The following RBFOX1 variants were observed in gnomAD, a reference collection of about 807,000 sequenced individuals.
The protein encoded by RBFOX1 is RNA binding fox-1 homolog 1, also known as RNA binding protein fox-1 homolog 1.
In RBFOX1, 8 loss-of-function variants were observed where a neutral mutation model predicts 57.7. The ratio of observed to expected loss-of-function variants is 0.14; its 90% CI spans 0.08 to 0.25. RBFOX1 has a LOEUF of 0.25. RBFOX1 is among the 10% of genes least tolerant of loss of function. RBFOX1 has a pLI of 1.00. For missense variants in RBFOX1, 611 were observed against 548.5 expected, an observed-to-expected ratio of 1.11 and a Z score of -1.14; for synonymous variants, 326 against 222.4, an observed-to-expected ratio of 1.47 and a Z score of -4.15.
At chr16:6,756,164 A>G (rs901148789) in intron 3 of RBFOX1, among the ~76,000 whole-genome samples, 1 of 152,178 alleles carries the variant, frequency 6.6e-6, no homozygotes, top group African/African-American at 2.4e-5. Flanking sequence ...TAAAAAATAT[A>G]TACTGTAGTA....
At chr16:6,498,785 T>C (rs2095842582) in intron 2 of RBFOX1, among the ~76,000 whole-genome samples, 2 of 152,192 alleles carry the variant, frequency 1.3e-5, no homozygotes, top group Non-Finnish European at 2.9e-5. Context: ...AGAGTCCTAT[T>C]GAGGAAAGAT....
At chr16:5,724,813 C>T (rs1018298166) in intron 3 of RBFOX1, among the ~76,000 whole-genome samples, 1 of 152,132 alleles carries the variant, frequency 6.6e-6, no homozygotes, top group African/African-American at 2.4e-5. Flanking sequence ...CTACACCAGC[C>T]CACTAACATA....
At chr16:7,197,998 C>CTTTCTTTCTTTCTTTTTTTTTTTT in intron 4 of RBFOX1, among the ~76,000 whole-genome samples, 1 of 55,592 alleles carries the variant, frequency 1.8e-5, no homozygotes, top group Non-Finnish European at 3.2e-5. Context: ...TTCTTTCTTT[C>CTTTCTTTCTTTCTTTTTTTTTTTT]TTTTTTTTTT....
At chr16:5,905,989 G>T (rs752769767) in intron 4 of RBFOX1, among the ~76,000 whole-genome samples, 2 of 152,218 alleles carry the variant, frequency 1.3e-5, no homozygotes, top group Non-Finnish European at 2.9e-5. Context: ...GTGGTTTTCA[G>T]GCTGAGTCCA....
intron 4 of RBFOX1, among the ~76,000 whole-genome samples, chr16:7,082,796 C>T (rs546243620): frequency 2.6e-5 from 4 of 152,106 alleles, no homozygotes; most frequent in Non-Finnish European, 4.4e-5. Context: ...GAGAGGCCAC[C>T]AGTAGCTTAA....
chr16:7,063,136 G>C (rs1349827472), intron 4 of RBFOX1, among the ~76,000 whole-genome samples: 1 of 151,814 alleles, frequency 6.6e-6, no homozygotes, highest in Non-Finnish European at 1.5e-5. Context: ...TAAGAGAAAG[G>C]AGCTCTTGGT....
intron 2 of RBFOX1, among the ~76,000 whole-genome samples, chr16:5,498,848 G>A (rs1450081321): frequency 6.6e-6 from 1 of 152,204 alleles, no homozygotes; most frequent in African/African-American, 2.4e-5. Flanking sequence ...ATGTCCCTGG[G>A]CTTGGCACCA....
intron 3 of RBFOX1, among the ~76,000 whole-genome samples, chr16:7,023,857 C>T (rs1054960512): frequency 5.9e-5 from 9 of 152,010 alleles, no homozygotes; most frequent in Non-Finnish European, 1.3e-4. Context: ...TTCATCATCC[C>T]TATATATATT....
chr16:6,317,979 CAT>C (rs1193345689), intron 2 of RBFOX1, among the ~76,000 whole-genome samples: 3 of 152,110 alleles, frequency 2.0e-5, no homozygotes, highest in Non-Finnish European at 4.4e-5. Context: ...AATATCAGCC[CAT>C]GTCATAAAGG....
intron 2 of RBFOX1, among the ~76,000 whole-genome samples, chr16:6,496,126 G>T (rs1220032660): frequency 6.6e-6 from 1 of 151,936 alleles, no homozygotes; most frequent in East Asian, 1.9e-4. Context: ...GTAGAAAACG[G>T]TCAGGGGAAT....
chr16:5,577,106 C>G (rs1239577643), intron 2 of RBFOX1, among the ~76,000 whole-genome samples: 1 of 152,212 alleles, frequency 6.6e-6, no homozygotes, highest in African/African-American at 2.4e-5. Flanking sequence ...CCAAGTTGGT[C>G]TCTCTCTCTT....
At chr16:6,521,731 T>G (rs1226704529) in intron 2 of RBFOX1, among the ~76,000 whole-genome samples, 5 of 152,056 alleles carry the variant, frequency 3.3e-5, no homozygotes, top group Non-Finnish European at 7.4e-5. Context: ...ATTGCAAAAT[T>G]TCTGGGACTT....
chr16:6,912,401 C>A (rs566114725), intron 3 of RBFOX1, among the ~76,000 whole-genome samples: 1 of 151,966 alleles, frequency 6.6e-6, no homozygotes, highest in Non-Finnish European at 1.5e-5. Context: ...TTGCGAACCA[C>A]GGGGCTACTG....
intron 3 of RBFOX1, among the ~76,000 whole-genome samples, chr16:7,007,387 A>G (rs1029029416): frequency 8.5e-5 from 13 of 152,188 alleles, no homozygotes; most frequent in African/African-American, 2.9e-4. Flanking sequence ...TGTGTTTTAA[A>G]GTGCTTTTGT....
At chr16:5,514,994 G>A (rs2043737961) in intron 2 of RBFOX1, among the ~76,000 whole-genome samples, 1 of 152,110 alleles carries the variant, frequency 6.6e-6, no homozygotes, top group African/African-American at 2.4e-5. Flanking sequence ...GAAGGTGAAG[G>A]GGAAGCAGGA....
intron 3 of RBFOX1, among the ~76,000 whole-genome samples, chr16:7,034,777 T>G (rs942645186): frequency 1.3e-5 from 2 of 149,826 alleles, no homozygotes; most frequent in Admixed American, 6.7e-5. Context: ...TCTCAGAAAA[T>G]GCAATTTCTA....
Position 7,621,113 on chromosome 16 carries a change from G to C in RBFOX1, c.677-9490G>C, listed in dbSNP as rs117389291. Among the ~76,000 whole-genome samples the C allele has an allele frequency of 8.9e-4, 136 of 152,270 alleles. 1 individual carries two copies. The East Asian group carries it at 0.02, about 23-fold the overall frequency. On this transcript the variant is annotated intron_variant, in intron 10 of 15. Coordinates refer to ENST00000550418, the MANE Select transcript of RBFOX1 (RefSeq NM_018723.4). ...GGGGATTCAGAGCATAGTAGAGTTT[G>C]AGAAGCAAGGCCCTAGTAGTCTTAT...
intron 4 of RBFOX1, among the ~76,000 whole-genome samples, chr16:7,099,268 T>C (rs2062235335): frequency 6.6e-6 from 1 of 152,176 alleles, no homozygotes; most frequent in South Asian, 2.1e-4. Flanking sequence ...GAGATCACTC[T>C]AGCTGCAGTG....
intron 3 of RBFOX1, among the ~76,000 whole-genome samples, chr16:6,825,683 CAAGG>C (rs2092028989): frequency 6.6e-6 from 1 of 152,070 alleles, no homozygotes; most frequent in African/African-American, 2.4e-5. Flanking sequence ...ATAGGTAACA[CAAGG>C]AAAGAACCTA....
Sources: allele counts gnomAD v4.1 joint callset (sites outside exome capture counted in the v4.1 genomes callset), GRCh38; gene constraint gnomAD v4.1.1; transcripts MANE v1.5; gene names NCBI Gene and HGNC (gene_info 2026-07-23, HGNC 2026-07-21).